ASCC3: variants seen among roughly 807,000 people sequenced by gnomAD.
ASCC3 encodes the protein activating signal cointegrator 1 complex subunit 3, also known as ASC-1 complex subunit P200.
In ASCC3, 158 loss-of-function variants were observed where a neutral mutation model predicts 256.3. The observed-to-expected ratio is 0.62, with a 90% confidence interval of 0.54 to 0.70. The LOEUF is 0.70. ASCC3 is among the 30% of genes least tolerant of loss of function. The pLI is 0.00. For missense variants in ASCC3, 2,259 were observed against 2,626.0 expected, an observed-to-expected ratio of 0.86 and a Z score of 3.05; for synonymous variants, 948 against 883.4, an observed-to-expected ratio of 1.07 and a Z score of -1.30.
chr6:100,815,220 A>T (rs528654995), intron 4 of ASCC3, among the ~76,000 whole-genome samples: 1 of 152,286 alleles, frequency 6.6e-6, no homozygotes, highest in African/African-American at 2.4e-5. Context: ...GAGGTAACAG[A>T]TCTCTACAAA....
At chr6:100,822,666 T>A (rs1771109957) in intron 4 of ASCC3, among the ~76,000 whole-genome samples, 1 of 152,002 alleles carries the variant, frequency 6.6e-6, no homozygotes, top group Non-Finnish European at 1.5e-5. Flanking sequence ...ACCTTGAAAA[T>A]TCAAATAGAT....
chr6:100,790,163 T>C (rs1039138944), intron 8 of ASCC3, among the ~76,000 whole-genome samples: 5 of 152,006 alleles, frequency 3.3e-5, no homozygotes, highest in Admixed American at 3.3e-4. Context: ...ACCGATTACC[T>C]AAAGTATATC....
At chr6:100,732,273 T>G (rs6915494) in intron 10 of ASCC3, among the ~76,000 whole-genome samples, 148,075 of 152,108 alleles carry the variant, frequency 0.97, 72,207 homozygotes, top group East Asian at 1. Flanking sequence ...CAAAAAAGAC[T>G]CAAAATAATA....
chr6:100,577,039 A>AT (rs1427403331), intron 36 of ASCC3, among the ~76,000 whole-genome samples: 1 of 151,312 alleles, frequency 6.6e-6, no homozygotes, highest in Non-Finnish European at 1.5e-5. Context: ...AAAAAAAAAA[A>AT]GCCCACAATA....
chr6:100,751,704 G>A (rs771717561), intron 10 of ASCC3, among the ~76,000 whole-genome samples: 15 of 152,082 alleles, frequency 9.9e-5, no homozygotes, highest in Non-Finnish European at 1.9e-4. Flanking sequence ...TACTGCTAAC[G>A]CCAAGTTGCA....
chr6:100,599,652 T>A (rs1225938025), intron 34 of ASCC3, among the ~76,000 whole-genome samples: 2 of 151,142 alleles, frequency 1.3e-5, no homozygotes, highest in African/African-American at 4.9e-5. Flanking sequence ...CAATTTAAAA[T>A]AGAAAGTTCA....
chr6:100,718,033 C>G (rs781711370), intron 12 of ASCC3, 42 bp downstream of exon 12: 1 of 1,584,932 alleles, frequency 6.3e-7, no homozygotes, highest in Non-Finnish European at 8.6e-7. Context: ...AATAATAAGT[C>G]AACAAAAATA....
At chr6:100,870,764 T>C (rs1773703668) in intron 1 of ASCC3, among the ~76,000 whole-genome samples, 1 of 152,184 alleles carries the variant, frequency 6.6e-6, no homozygotes, top group Non-Finnish European at 1.5e-5. Context: ...GGAAATAAGA[T>C]GATTCAGGGA....
At chr6:100,535,873 C>A (rs969496822) in intron 37 of ASCC3, among the ~76,000 whole-genome samples, 2 of 152,052 alleles carry the variant, frequency 1.3e-5, no homozygotes, top group African/African-American at 4.8e-5. Flanking sequence ...AACTTAAAAT[C>A]GAGGAAAACT....
At chr6:100,662,117 G>T in intron 15 of ASCC3, 87 bp from the exon 16 acceptor site, 1 of 1,333,978 alleles carries the variant, frequency 7.5e-7, no homozygotes, top group Non-Finnish European at 1.1e-6. Context: ...GGCAAATATG[G>T]CAAGATCTCA....
intron 37 of ASCC3, among the ~76,000 whole-genome samples, chr6:100,534,935 T>C (rs961368663): frequency 6.6e-6 from 1 of 152,110 alleles, no homozygotes; most frequent in Non-Finnish European, 1.5e-5. Context: ...TTCTATAAAA[T>C]AAAGGGAATA....
intron 13 of ASCC3, among the ~76,000 whole-genome samples, chr6:100,685,186 C>T (rs1174685706): frequency 6.6e-6 from 1 of 152,106 alleles, no homozygotes; most frequent in Non-Finnish European, 1.5e-5. Flanking sequence ...AACAATATGG[C>T]AGATAGATGT....
At chr6:100,840,791 A>G (rs900990939) in intron 4 of ASCC3, among the ~76,000 whole-genome samples, 1 of 152,072 alleles carries the variant, frequency 6.6e-6, no homozygotes, top group African/African-American at 2.4e-5. Flanking sequence ...TGACTGAATA[A>G]TGGTGGGTTC....
chr6:100,535,466 G>GTTTTTTTTTTTTTTTTTTTTTTTTTTTT, intron 37 of ASCC3, among the ~76,000 whole-genome samples: 1 of 98,626 alleles, frequency 1.0e-5, no homozygotes, highest in Non-Finnish European at 1.9e-5. Flanking sequence ...TGGTTTTCGT[G>GTTTTTTTTTTTTTTTTTTTTTTTTTTTT]TTTTTTTTTT....
chr6:100,612,932 A>G (rs5004127), intron 30 of ASCC3, among the ~76,000 whole-genome samples: 38 of 119,288 alleles, frequency 3.2e-4, no homozygotes, highest in African/African-American at 9.9e-4. Context: ...GTAAATATAT[A>G]AGTGAAATAT....
Position 100,767,223 on chromosome 6 carries a change from G to A in ASCC3, c.1518C>T (p.Thr506=). ...LICAPTGAGK[T]NIAMLTVLHE... is the part of the protein sequence containing the mutation. ...GCAAGACTGTCAGCATTGCAATGTTGGTTTTTCCAGCTCCTGTAGGGGCAC... is the reference window on the plus strand; with the variant it reads ...GCAAGACTGTCAGCATTGCAATGTTAGTTTTTCCAGCTCCTGTAGGGGCAC... The change falls in exon 9 of 42, where the codon ACC becomes ACT. Residue 506 remains threonine (T), a synonymous_variant. Coordinates refer to ENST00000369162, the MANE Select transcript of ASCC3 (RefSeq NM_006828.4). The A allele has an allele frequency of 6.2e-7, 1 of 1,614,030 alleles. No individual in the cohort carries two copies.
At chr6:100,538,197 A>G (rs1421800530) in intron 37 of ASCC3, among the ~76,000 whole-genome samples, 1 of 152,152 alleles carries the variant, frequency 6.6e-6, no homozygotes, top group African/African-American at 2.4e-5. Flanking sequence ...TTCTGACCCC[A>G]GAGTTCATTA....
chr6:100,711,797 C>G (rs990088537), intron 13 of ASCC3, among the ~76,000 whole-genome samples: 1 of 152,070 alleles, frequency 6.6e-6, no homozygotes, highest in East Asian at 1.9e-4. Flanking sequence ...AGAAATGCCA[C>G]CACAATTAAA....
intron 13 of ASCC3, among the ~76,000 whole-genome samples, chr6:100,693,897 C>T (rs1181340076): frequency 1.3e-5 from 2 of 152,222 alleles, no homozygotes; most frequent in Admixed American, 6.5e-5. Flanking sequence ...ATTAAAGCGA[C>T]TGAAGTGGAT....
Sources: allele counts gnomAD v4.1 joint callset (sites outside exome capture counted in the v4.1 genomes callset), GRCh38; gene constraint gnomAD v4.1.1; transcripts MANE v1.5; gene names NCBI Gene and HGNC (gene_info 2026-07-23, HGNC 2026-07-21).